The following ADGRV1 variants were observed in gnomAD, a reference collection of about 807,000 sequenced individuals.
ADGRV1 encodes G-protein coupled receptor 98.
In ADGRV1, 359 loss-of-function variants were observed where a neutral mutation model predicts 596.2. The ratio of observed to expected loss-of-function variants is 0.60; its 90% CI spans 0.55 to 0.66. The LOEUF is 0.66. Among genes scored for constraint, ADGRV1 ranks in the 30% least tolerant of loss-of-function variants. The pLI, the probability that ADGRV1 is intolerant of heterozygous loss-of-function variation, is 0.00. For missense variants in ADGRV1, 7,274 were observed against 7,575.6 expected, an observed-to-expected ratio of 0.96 and a Z score of 1.48; for synonymous variants, 2,681 against 2,679.2, an observed-to-expected ratio of 1.00 and a Z score of -0.02.
In ADGRV1 at chr5:90,653,255, G is replaced by A; in HGVS notation, c.3681G>A (p.Gln1227=). 6.2e-7 allele frequency: 1 copy of A among 1,613,404 alleles called. No individual in the cohort carries two copies. The highest frequency in any genetic ancestry group is 8.5e-7 in the Non-Finnish European group (1 of 1,179,520). Residue 1227 remains glutamine, a synonymous_variant, in exon 20 of 90, where the codon CAG becomes CAA. Coordinates refer to ENST00000405460, the MANE Select transcript of ADGRV1 (RefSeq NM_032119.4). ...GCCAGCTAGCAGAAACCAACCTCCA[G>A]GTGACAGTAATGGTTCCATTCAATG... ...PGGQLAETNL[Q]VTVMVPFNDD...
chr5:90,662,428 C>T (rs571159402), intron 21 of ADGRV1, among the ~76,000 whole-genome samples: 8 of 151,952 alleles, frequency 5.3e-5, no homozygotes, highest in East Asian at 1.9e-4. Flanking sequence ...CTCCTGACCT[C>T]GTGATCCACC....
intron 17 of ADGRV1, 78 bp downstream of exon 17, chr5:90,647,842 A>T: frequency 1.6e-6 from 2 of 1,283,394 alleles, no homozygotes. Context: ...CAGTCCAATA[A>T]TGAGGACAAG....
intron 84 of ADGRV1, among the ~76,000 whole-genome samples, chr5:90,980,715 T>G (rs1193621585): frequency 6.6e-6 from 1 of 152,202 alleles, no homozygotes; most frequent in Non-Finnish European, 1.5e-5. Flanking sequence ...ACCCTTTGAC[T>G]TGCGTTCTGT....
At chr5:90,971,561 A>T (rs1778995027) in intron 84 of ADGRV1, among the ~76,000 whole-genome samples, 1 of 152,218 alleles carries the variant, frequency 6.6e-6, no homozygotes, top group Non-Finnish European at 1.5e-5. Context: ...ATTCTTAAAG[A>T]AAAGAATTTT....
At position 90,948,383 on chromosome 5, in the gene ADGRV1, A is replaced by G. The variant is rs151158451; in HGVS notation, c.17857-17032A>G. ...GTGACCACGGAACCTAAGTTAAAGAACATTGAAGTATGTTGTATACCACAA... is the reference window on the plus strand; with the variant it reads ...GTGACCACGGAACCTAAGTTAAAGAGCATTGAAGTATGTTGTATACCACAA... On this transcript the variant is annotated intron_variant, in intron 83 of 89. Coordinates refer to ENST00000405460, the MANE Select transcript of ADGRV1 (RefSeq NM_032119.4). Among the ~76,000 whole-genome samples the G allele has an allele frequency of 1.6e-3, 245 of 152,252 alleles. 1 individual carries two copies. The highest frequency in any genetic ancestry group is 5.6e-3 in the African/African-American group (231 of 41,566).
chr5:90,863,613 T>C (rs1426938139), intron 82 of ADGRV1, 144 bp from the exon 83 acceptor site: 6 of 664,214 alleles, frequency 9.0e-6, no homozygotes, highest in Non-Finnish European at 1.7e-5. Flanking sequence ...TAGATTACAA[T>C]TGCCATGTCA....
At chr5:91,027,165 A>G (rs1784085598) in intron 85 of ADGRV1, among the ~76,000 whole-genome samples, 2 of 151,044 alleles carry the variant, frequency 1.3e-5, no homozygotes, top group Admixed American at 6.6e-5. Flanking sequence ...ACACACACAC[A>G]CACACACACA....
intron 85 of ADGRV1, among the ~76,000 whole-genome samples, chr5:91,065,681 A>G (rs975526307): frequency 6.6e-6 from 1 of 152,188 alleles, no homozygotes; most frequent in African/African-American, 2.4e-5. Flanking sequence ...ATTTTTTTAA[A>G]TCAAATTGGG....
In ADGRV1 at chr5:91,072,606, T is replaced by C; in HGVS notation, c.18310+2T>C. The C allele has an allele frequency of 1.9e-6, 3 of 1,613,378 alleles. No homozygotes were observed. The highest frequency in any genetic ancestry group is 2.5e-6 in the Non-Finnish European group (3 of 1,179,506). On this transcript the variant is annotated splice_donor_variant, in intron 86 of 89. Transcript: ENST00000405460. LOFTEE classifies it high-confidence loss of function. Reference sequence around the variant, plus strand: ...TCAGAGGAAGGACAAATGCTGCAGGTTTGAAAGGAACTATATTTGTACTTT... The same window carrying C: ...TCAGAGGAAGGACAAATGCTGCAGGCTTGAAAGGAACTATATTTGTACTTT...
At chr5:90,721,322 G>C (rs1045750025) in intron 45 of ADGRV1, among the ~76,000 whole-genome samples, 2 of 151,564 alleles carry the variant, frequency 1.3e-5, no homozygotes, top group African/African-American at 4.9e-5. Flanking sequence ...GGCTAACATG[G>C]TGAAACCCCA....
intron 85 of ADGRV1, among the ~76,000 whole-genome samples, chr5:91,064,008 C>T (rs1330153723): frequency 6.6e-6 from 1 of 152,180 alleles, no homozygotes; most frequent in African/African-American, 2.4e-5. Context: ...TATGCCCTTC[C>T]ATGCCCAGCA....
At chr5:91,115,012 A>G in intron 87 of ADGRV1, among the ~76,000 whole-genome samples, 1 of 152,162 alleles carries the variant, frequency 6.6e-6, no homozygotes, top group Non-Finnish European at 1.5e-5. Flanking sequence ...AAAGTCCCTC[A>G]GAAGAAAAAA....
At chr5:91,033,935 T>C (rs1014934323) in intron 85 of ADGRV1, among the ~76,000 whole-genome samples, 1 of 152,234 alleles carries the variant, frequency 6.6e-6, no homozygotes, top group Non-Finnish European at 1.5e-5. Context: ...TTTTATATTC[T>C]GAATACTGCA....
intron 85 of ADGRV1, among the ~76,000 whole-genome samples, chr5:91,067,650 TA>T (rs1233661534): frequency 6.6e-6 from 1 of 152,226 alleles, no homozygotes; most frequent in African/African-American, 2.4e-5. Flanking sequence ...ATTCCTAGAG[TA>T]ATTCAATAAT....
At chr5:90,641,262 A>G (rs1766936459) in intron 11 of ADGRV1, among the ~76,000 whole-genome samples, 1 of 152,210 alleles carries the variant, frequency 6.6e-6, no homozygotes, top group Admixed American at 6.5e-5. Context: ...TTAACAGAGA[A>G]TTAGCAATCA....
intron 1 of ADGRV1, among the ~76,000 whole-genome samples, chr5:90,595,896 C>A (rs1402794786): frequency 6.7e-6 from 1 of 149,686 alleles, no homozygotes; most frequent in Non-Finnish European, 1.5e-5. Flanking sequence ...GCTGACCCCC[C>A]CCACCTCCCT....
chr5:90,601,735 G>C (rs1235545051), intron 1 of ADGRV1, among the ~76,000 whole-genome samples: 1 of 152,174 alleles, frequency 6.6e-6, no homozygotes, highest in Non-Finnish European at 1.5e-5. Flanking sequence ...AGGCTCTGCT[G>C]CATTTTTTTC....
At chr5:90,906,218 G>T (rs1402530921) in intron 83 of ADGRV1, among the ~76,000 whole-genome samples, 1 of 152,062 alleles carries the variant, frequency 6.6e-6, no homozygotes, top group Non-Finnish European at 1.5e-5. Context: ...TCTGGTTTTG[G>T]TATCAGGGTA....
At chr5:90,966,529 C>CAAA (rs1778479071) in intron 84 of ADGRV1, among the ~76,000 whole-genome samples, 1 of 34,604 alleles carries the variant, frequency 2.9e-5, no homozygotes, top group Non-Finnish European at 6.7e-5. Context: ...CGAAACTCTG[C>CAAA]CAAAAAAAAA....
Sources: allele counts gnomAD v4.1 joint callset (sites outside exome capture counted in the v4.1 genomes callset), GRCh38; gene constraint gnomAD v4.1.1; transcripts MANE v1.5; gene names NCBI Gene and HGNC (gene_info 2026-07-23, HGNC 2026-07-21).